NUMA1: variants seen among roughly 807,000 people sequenced by gnomAD.
NUMA1 encodes nuclear mitotic apparatus protein 1.
A neutral mutation model predicts 237.1 loss-of-function variants in NUMA1; 62 were observed. The observed-to-expected ratio is 0.26, with a 90% CI of 0.21 to 0.32. The LOEUF (loss-of-function observed/expected upper bound fraction) is 0.32, where lower values mean the gene tolerates loss of function less well. Among genes scored for constraint, NUMA1 ranks in the 10% least tolerant of loss-of-function variants. The probability of loss-of-function intolerance (pLI) is 1.00; values close to 1 mark genes in which losing one functional copy is unlikely to be tolerated. For synonymous variants in NUMA1, 1,028 were observed against 1,066.1 expected (o/e 0.96, Z 0.70); for missense variants, 2,533 against 2,666.5 (o/e 0.95, Z 1.10).
At chr11:72,010,154 G>C (rs1012216897) in intron 17 of NUMA1, among the ~76,000 whole-genome samples, 1 of 152,226 alleles carries the variant, frequency 6.6e-6, no homozygotes, top group Non-Finnish European at 1.5e-5. Context: ...CAGGAGAAAT[G>C]AAGCTCTGAG....
At chr11:72,016,284 G>C in intron 14 of NUMA1, 24 bp from the exon 15 acceptor site, 1 of 1,585,114 alleles carries the variant, frequency 6.3e-7, no homozygotes, top group South Asian at 1.1e-5. Context: ...GAGACAAACT[G>C]GGATCAGCAT....
intron 6 of NUMA1, 77 bp from the exon 7 acceptor site, chr11:72,022,496 GA>G: frequency 1.0e-6 from 1 of 958,612 alleles, no homozygotes; most frequent in Non-Finnish European, 1.7e-6. Flanking sequence ...CTGTTCTGGG[GA>G]CTCTGAGCTA....
At chr11:72,017,912 G>A in intron 12 of NUMA1, 85 bp from the exon 13 acceptor site, 1 of 1,476,276 alleles carries the variant, frequency 6.8e-7, no homozygotes, top group Non-Finnish European at 9.2e-7. Context: ...CCCAGGGGCT[G>A]GATGCCTCCA....
rs59248999 is a variant in NUMA1, at chr11:72,056,635, T to TAAAAAAAAAAAAA, written c.-33+13194_-33+13206dup. 2.6e-3 allele frequency among the ~76,000 whole-genome samples: 196 copies of TAAAAAAAAAAAAA among 75,952 alleles called. 9 individuals are homozygous for TAAAAAAAAAAAAA. The highest frequency in any genetic ancestry group is 6.3e-3 in the African/African-American group (97 of 15,404). 49.8% of individuals were successfully genotyped at this position (75,952 alleles called of 152,430 possible). A position where few individuals can be genotyped will look rare whatever the true frequency, so the allele number is the denominator to read the frequency against. ...GCGCCTGACCAAGATCCCATCTCTT[T>TAAAAAAAAAAAAA]AAAAAAAAAAAAAAAAAAAAAAAAA... On this transcript the variant is annotated intron_variant, in intron 2 of 26. Transcript: ENST00000393695.
At chr11:72,039,640 G>C (rs1941433946) in intron 2 of NUMA1, 1 of 152,208 alleles carries the variant, frequency 6.6e-6, no homozygotes, top group Non-Finnish European at 1.5e-5. Context: ...TTCTCCACCT[G>C]ATAGTTCCAA....
Position 72,006,090 on chromosome 11 carries a change from G to C in NUMA1, c.5637C>G (p.Thr1879=), listed in dbSNP as rs1422727879. The C allele has an allele frequency of 6.2e-7, 1 of 1,614,044 alleles. No individual in the cohort carries two copies. The highest frequency in any genetic ancestry group is 1.1e-5 in the South Asian group (1 of 91,080). The change falls in exon 22 of 27, where the codon ACC becomes ACG. Residue 1879 remains threonine (T), a synonymous_variant. Transcript: ENST00000393695. ...ALLSLPGYRP[T]TRSSARRSQA... is the part of the protein sequence containing the mutation. Reference sequence around the variant, plus strand: ...GGGAACGACGAGCAGAACTGCGAGTGGTGGGGCGGTAGCCAGGCAAGCTGA... The same window carrying C: ...GGGAACGACGAGCAGAACTGCGAGTCGTGGGGCGGTAGCCAGGCAAGCTGA...
At chr11:72,022,467 T>C in intron 6 of NUMA1, 48 bp from the exon 7 acceptor site, 1 of 1,332,690 alleles carries the variant, frequency 7.5e-7, no homozygotes, top group Non-Finnish European at 1.1e-6. Flanking sequence ...GTCTCTCTTC[T>C]CAGTGCCCCC....
At chr11:72,023,187 G>A (rs374048766) in intron 5 of NUMA1, 40 bp from the exon 6 acceptor site, 1 of 1,434,364 alleles carries the variant, frequency 7.0e-7, no homozygotes, top group Non-Finnish European at 9.8e-7. Context: ...TGAACTTCCT[G>A]GAAACCATAC....
At chr11:72,025,748 C>A (rs1475934705) in intron 4 of NUMA1, among the ~76,000 whole-genome samples, 4 of 152,184 alleles carry the variant, frequency 2.6e-5, no homozygotes, top group Admixed American at 6.5e-5. Flanking sequence ...TACCTCCCCC[C>A]ATACCCCATG....
intron 22 of NUMA1, chr11:72,005,623 C>A (rs1955632933): frequency 3.8e-6 from 2 of 521,942 alleles, no homozygotes. Flanking sequence ...TACTCACCTG[C>A]CAAGGCTTGG....
intron 2 of NUMA1, chr11:72,066,106 G>A (rs1943185236): frequency 2.0e-5 from 3 of 152,104 alleles, no homozygotes; most frequent in South Asian, 4.1e-4. Context: ...AGGAGTTTGA[G>A]ACCAGCCTGA....
chr11:72,009,541 A>C (rs1295701938), intron 17 of NUMA1, among the ~76,000 whole-genome samples, 154 bp from the exon 18 acceptor site: 1 of 152,200 alleles, frequency 6.6e-6, no homozygotes. Context: ...TCTCTGCCCG[A>C]CTACAGTCTA....
In NUMA1 at chr11:72,017,706, C is replaced by G. The variant is rs1205845531; in HGVS notation, c.1100G>C (p.Ser367Thr). 6.2e-7 allele frequency: 1 copy of G among 1,613,254 alleles called. No individual in the cohort carries two copies. The highest frequency in any genetic ancestry group is 8.5e-7 in the Non-Finnish European group (1 of 1,180,038). ...GGTTACCTTGTCCTGCAGGGCTGCGCTGAGCTCCTTCTCCAGCTGGGCCTG... is the reference window on the plus strand; with the variant it reads ...GGTTACCTTGTCCTGCAGGGCTGCGGTGAGCTCCTTCTCCAGCTGGGCCTG... ...EKQAQLEKEL[S>T]AALQDKKCLE... The change falls in exon 13 of 27, where the codon AGC (serine) becomes ACC (threonine). Residue 367 changes from serine to threonine, a missense_variant. By Grantham distance (58) the Ser-to-Thr change is moderately conservative. Around this residue, in one of 3 missense-constraint regions of NUMA1, gnomAD observed 1,414 missense variants for 1,508.1 expected, o/e 0.94. Coordinates refer to ENST00000393695, the MANE Select transcript of NUMA1 (RefSeq NM_006185.4).
At chr11:72,043,357 C>CTT (rs35559801) in intron 2 of NUMA1, among the ~76,000 whole-genome samples, 5 of 105,588 alleles carry the variant, frequency 4.7e-5, no homozygotes, top group Non-Finnish European at 9.2e-5. Context: ...AGGCGGAGTT[C>CTT]TTTTTTTTTT....
chr11:72,034,981 C>A (rs1417086092), intron 3 of NUMA1, among the ~76,000 whole-genome samples: 1 of 152,162 alleles, frequency 6.6e-6, no homozygotes, highest in East Asian at 1.9e-4. Flanking sequence ...CTTAGCCTGC[C>A]AAGTAGGTGA....
chr11:72,052,415 C>G (rs1262638544), intron 2 of NUMA1, among the ~76,000 whole-genome samples: 1 of 152,072 alleles, frequency 6.6e-6, no homozygotes, highest in Admixed American at 6.6e-5. Context: ...CAAAGACAGA[C>G]CATATTACAG....
chr11:72,019,397 C>T, intron 9 of NUMA1, 97 bp downstream of exon 9: 5 of 1,504,308 alleles, frequency 3.3e-6, no homozygotes, highest in Non-Finnish European at 4.5e-6. Flanking sequence ...TCTAAGCACT[C>T]CCAGAGGCTG....
In NUMA1 at chr11:72,022,341, G is replaced by C; in HGVS notation, c.370C>G (p.Gln124Glu). ...RDWEQFEYKI[Q>E]AELAVILKFV... ...GGCATGGAGGCACAAGGGCTTACCTGAATTTTATATTCAAACTGTTCCCAG... is the reference window on the plus strand; with the variant it reads ...GGCATGGAGGCACAAGGGCTTACCTCAATTTTATATTCAAACTGTTCCCAG... The change falls in exon 7 of 27, where the codon CAG becomes GAG. Residue 124 changes from glutamine (Q) to glutamate (E), a missense_variant and splice_region_variant. Physicochemically the swap from Gln to Glu is conservative, Grantham distance 29. Around this residue, in one of 3 missense-constraint regions of NUMA1, gnomAD observed 1,414 missense variants for 1,508.1 expected, o/e 0.94. Transcript: ENST00000393695. The C allele has an allele frequency of 1.2e-6, 2 of 1,610,760 alleles. No homozygotes were observed. The highest frequency in any genetic ancestry group is 1.1e-5 in the South Asian group (1 of 90,880).
chr11:72,043,305 A>C (rs1041085031), intron 2 of NUMA1, among the ~76,000 whole-genome samples: 1 of 152,028 alleles, frequency 6.6e-6, no homozygotes, highest in African/African-American at 2.4e-5. Context: ...CTACCAAAAA[A>C]TACAAAAAAC....
Sources: allele counts gnomAD v4.1 joint callset (sites outside exome capture counted in the v4.1 genomes callset), GRCh38; gene constraint gnomAD v4.1.1; regional missense constraint gnomAD v4.1.1; transcripts MANE v1.5; gene names NCBI Gene and HGNC (gene_info 2026-07-23, HGNC 2026-07-21).